The following NLRX1 variants were observed in gnomAD, a reference collection of about 807,000 sequenced individuals.
NLRX1 encodes NOD-like receptor X1.
NLRX1 carries 67 observed loss-of-function variants against 74.2 expected under a neutral mutation model. The ratio of observed to expected loss-of-function variants is 0.90; its 90% CI spans 0.74 to 1.11. The LOEUF is 1.11. Ranked by LOEUF, NLRX1 falls within the 50% of genes least tolerant of loss-of-function variation. The pLI, the probability that NLRX1 is intolerant of heterozygous loss-of-function variation, is 0.00. For missense variants in NLRX1, 1,191 were observed against 1,305.4 expected (o/e 0.91, Z 1.35); for synonymous variants, 506 against 559.1 (o/e 0.91, Z 1.34).
Position 119,172,939 on chromosome 11 carries a change from C to T in NLRX1, c.179C>T (p.Ala60Val). Residue 60 changes from alanine to valine, a missense_variant, in exon 4 of 10, where the codon GCT (alanine) becomes GTT (valine). Coordinates refer to ENST00000409109, the MANE Select transcript of NLRX1 (RefSeq NM_001282144.2). ...IRHHGSSVDS[A>V]PPPGRHGRLF... ...CACCACGGAAGCTCGGTAGATAGCG[C>T]TCCCCCACCCGGGAGGCATGGACGG... The T allele has an allele frequency of 1.2e-6, 2 of 1,614,010 alleles. No individual in the cohort carries two copies. Among genetic ancestry groups the T allele is most frequent in the African/African-American group, 1.3e-5 (1 of 75,006 alleles).
intron 2 of NLRX1, 100 bp downstream of exon 2, chr11:119,171,573 A>T: frequency 1.3e-6 from 1 of 796,650 alleles, no homozygotes; most frequent in Non-Finnish European, 2.1e-6. Context: ...CAGGTGCACT[A>T]GTCTCAGCTC....
chr11:119,174,736 G>C lies in NLRX1; in HGVS notation c.1133G>C (p.Cys378Ser), dbSNP rs138095596. 1 of 1,613,680 alleles carries C rather than the reference G, an allele frequency of 6.2e-7. No homozygotes were observed. The highest frequency in any genetic ancestry group is 8.5e-7 in the Non-Finnish European group (1 of 1,180,042). Residue 378 changes from cysteine to serine, a missense_variant, in exon 6 of 10, where the codon TGT becomes TCT. Cys to Ser is a moderately radical substitution (Grantham distance 112, BLOSUM62 -1). Transcript: ENST00000409109. ...CTGCCGTCCTATTGCTGGCTCGTTT[G>C]TGCCACCTTGCACTTCCTGCATGCC... ...CFLPSYCWLV[C>S]ATLHFLHAPT...
At position 119,183,736 on chromosome 11, in the gene NLRX1, C is replaced by A. The variant is rs1246238213; in HGVS notation, c.*297C>A. ...TGGATGGCCAGAGTGCCCTGAAGCA[C>A]CACTACCAACCTTGCCTCCCCCTCC... On this transcript the variant is annotated 3_prime_UTR_variant, in exon 10 of 10. Transcript: ENST00000409109. The surrounding 1 kb of genome is among the most constrained non-coding windows in gnomAD (Gnocchi z 5.7). 3.9e-6 allele frequency: 3 copies of A among 777,014 alleles called. No individual in the cohort carries two copies. The Admixed American group carries it at 5.1e-5, about 13-fold the overall frequency. The allele number at this position is 777,014 out of a possible 1,614,324, so 48.1% of individuals were successfully genotyped here.
intron 8 of NLRX1, among the ~76,000 whole-genome samples, chr11:119,181,828 G>A (rs147538246): frequency 6.6e-6 from 1 of 152,234 alleles, no homozygotes; most frequent in Non-Finnish European, 1.5e-5. Flanking sequence ...GAATAGATAA[G>A]AAGGGAGTCA....
At position 119,180,032 on chromosome 11, in the gene NLRX1, C is replaced by T. The variant is rs1456385811; in HGVS notation, c.2011C>T (p.Pro671Ser). Reference protein sequence around the residue: ...KLGKLGRQVLPPSELLDHLFF... With the variant: ...KLGKLGRQVLSPSELLDHLFF... Reference sequence around the variant, plus strand: ...GGGCAAGCTGGGCCGGCAGGTGCTGCCCCCATCAGAGCTCCTTGACCACCT... The same window carrying T: ...GGGCAAGCTGGGCCGGCAGGTGCTGTCCCCATCAGAGCTCCTTGACCACCT... Residue 671 changes from proline (P) to serine (S), a missense_variant, in exon 7 of 10, where the codon CCC becomes TCC. Pro to Ser is a moderately conservative substitution (Grantham distance 74). Transcript: ENST00000409109. 2 of 1,613,500 alleles carry T rather than the reference C, an allele frequency of 1.2e-6. No individual in the cohort carries two copies. The highest frequency in any genetic ancestry group is 1.3e-5 in the African/African-American group (1 of 74,954).
At position 119,172,901 on chromosome 11, in the gene NLRX1, G is replaced by C. The variant is rs1192020366; in HGVS notation, c.141G>C (p.Arg47Ser). The C allele has an allele frequency of 4.3e-6, 7 of 1,613,056 alleles. No individual in the cohort carries two copies. The highest frequency in any genetic ancestry group is 4.2e-6 in the Non-Finnish European group (5 of 1,179,284). The change falls in exon 4 of 10, where the codon AGG becomes AGC. Residue 47 changes from arginine (R) to serine (S), a missense_variant and splice_region_variant. Transcript: ENST00000409109. ...LQGERPFGPP[R>S]AFIRHHGSSV... ...GCTCATCCCCTCTCCTTGTTCCCAG[G>C]GCCTTTATACGCCACCACGGAAGCT...
rs199715920 is a variant in NLRX1 at position 119,182,157 on chromosome 11, C to T, written c.2418C>T (p.Asn806=). ...VAVLMEGLAG[N]TSVTHLSLLH... ...TGCTAATGGAGGGGCTGGCAGGAAACACCTCAGTGACGCACCTGTCCCTGC... is the reference window on the plus strand; with the variant it reads ...TGCTAATGGAGGGGCTGGCAGGAAATACCTCAGTGACGCACCTGTCCCTGC... Residue 806 remains asparagine (N), a synonymous_variant, in exon 9 of 10, where the codon AAC becomes AAT. Coordinates refer to ENST00000409109, the MANE Select transcript of NLRX1 (RefSeq NM_001282144.2). The T allele has an allele frequency of 1.9e-6, 3 of 1,614,144 alleles. No individual in the cohort carries two copies. The East Asian group carries it at 6.7e-5, about 36-fold the overall frequency.
intron 6 of NLRX1, 51 bp from the exon 7 acceptor site, chr11:119,179,642 C>CCGAACAGGCACA: frequency 1.3e-6 from 2 of 1,503,190 alleles, no homozygotes; most frequent in South Asian, 1.2e-5. Context: ...ACCTTGAAGG[C>CCGAACAGGCACA]TGAACAGGCA....
At position 119,182,103 on chromosome 11, in the gene NLRX1, C is replaced by T. The variant is rs141265912; in HGVS notation, c.2364C>T (p.Asn788=). 303 of 1,614,082 alleles carry T rather than the reference C, an allele frequency of 1.9e-4. 1 individual carries two copies. The African/African-American group carries it at 3.0e-3, about 16-fold the overall frequency. The change falls in exon 9 of 10, where the codon AAC becomes AAT. Residue 788 remains asparagine (N), a synonymous_variant. Coordinates refer to ENST00000409109, the MANE Select transcript of NLRX1 (RefSeq NM_001282144.2). ...QCQITTLRLS[N]NPLTAAGVAV... is the part of the protein sequence containing the mutation. The stretch of plus-strand genomic sequence containing the variant: ...TTGCACGTGGCTGTAGGCTGTCCAA[C>T]AACCCGCTGACGGCGGCAGGTGTTG...
chr11:119,179,511 A>G (rs972313866), intron 6 of NLRX1, among the ~76,000 whole-genome samples, 182 bp from the exon 7 acceptor site: 1 of 152,244 alleles, frequency 6.6e-6, no homozygotes, highest in African/African-American at 2.4e-5. Context: ...AGTTTGCCAC[A>G]TAGGCAGTAG....
rs748617858 is a variant in NLRX1, at chr11:119,174,803, C to T, written c.1200C>T (p.Ser400=). 6.2e-7 allele frequency: 1 copy of T among 1,613,984 alleles called. No homozygotes were observed. The highest frequency in any genetic ancestry group is 8.5e-7 in the Non-Finnish European group (1 of 1,180,050). The change falls in exon 6 of 10, where the codon AGC becomes AGT. Residue 400 remains serine (S), a synonymous_variant. Transcript: ENST00000409109. ...AGQTLTSIYT[S]FLRLNFSGET... Reference sequence around the variant, plus strand: ...AGACCCTTACAAGCATCTATACCAGCTTCCTGCGCCTCAACTTCAGCGGGG... The same window carrying T: ...AGACCCTTACAAGCATCTATACCAGTTTCCTGCGCCTCAACTTCAGCGGGG...
rs201914310 is a variant in NLRX1, at chr11:119,183,233, G to A, written c.2722G>A (p.Glu908Lys). 3 of 1,614,252 alleles carry A rather than the reference G, an allele frequency of 1.9e-6. No individual in the cohort carries two copies. Residue 908 changes from glutamate (E) to lysine (K), a missense_variant, in exon 10 of 10, where the codon GAA (glutamate) becomes AAA (lysine). Physicochemically the swap from Glu to Lys is moderately conservative, Grantham distance 56. Transcript: ENST00000409109. This position sits in a 1 kb window ranked among gnomAD's most constrained non-coding sequence, Gnocchi z 5.7. ...VSLTEGTAVS[E>K]YWSVILSEVQ... Reference sequence around the variant, plus strand: ...ACTGACAGAGGGGACGGCGGTGTCAGAATACTGGTCAGTGATCCTCAGTGA... The same window carrying A: ...ACTGACAGAGGGGACGGCGGTGTCAAAATACTGGTCAGTGATCCTCAGTGA...
rs777411708 is a variant in NLRX1, at chr11:119,174,639, C to T, written c.1036C>T (p.Gln346Ter). The change falls in exon 6 of 10, where the codon CAG (glutamine) becomes TAG (stop). Residue 346 changes from glutamine to a stop codon, truncating the protein, a stop_gained. Coordinates refer to ENST00000409109, the MANE Select transcript of NLRX1 (RefSeq NM_001282144.2). LOFTEE classifies it high-confidence loss of function. ...GGSGVSATPA[Q>*]RDHLVQMLSR... ...TTCAGGTGTCTCTGCCACACCAGCT[C>T]AGCGTGACCACCTGGTGCAGATGCT... 1.2e-6 allele frequency: 2 copies of T among 1,614,088 alleles called. No homozygotes were observed. Among genetic ancestry groups the T allele is most frequent in the South Asian group, 1.1e-5 (1 of 91,090 alleles).
In NLRX1 at chr11:119,173,188, G is replaced by C. The variant is rs758220422; in HGVS notation, c.229+199G>C. The C allele has an allele frequency of 1.6e-6, 1 of 615,944 alleles. No homozygotes were observed. The highest frequency in any genetic ancestry group is 2.9e-6 in the Non-Finnish European group (1 of 347,790). The allele number at this position is 615,944 out of a possible 1,614,324, so 38.2% of individuals were successfully genotyped here. ...CAATGCACACTTATATGTACAAAGCGCTAGGAGAGCCATACCATCCCTATG... is the reference window on the plus strand; with the variant it reads ...CAATGCACACTTATATGTACAAAGCCCTAGGAGAGCCATACCATCCCTATG... On this transcript the variant is annotated intron_variant, in intron 4 of 9. Coordinates refer to ENST00000409109, the MANE Select transcript of NLRX1 (RefSeq NM_001282144.2). The surrounding 1 kb of genome is among the most constrained non-coding windows in gnomAD (Gnocchi z 4.0).
Position 119,175,003 on chromosome 11 carries a change from A to G in NLRX1, c.1400A>G (p.His467Arg). The G allele has an allele frequency of 6.2e-7, 1 of 1,614,094 alleles. No individual in the cohort carries two copies. Residue 467 changes from histidine (H) to arginine (R), a missense_variant, in exon 6 of 10, where the codon CAC becomes CGC. Coordinates refer to ENST00000409109, the MANE Select transcript of NLRX1 (RefSeq NM_001282144.2). Reference sequence around the variant, plus strand: ...ACGGAGGAGGAGTTTCAGCTGCTGCACATCTTCCGTCGGGATGCCCTGAGG... The same window carrying G: ...ACGGAGGAGGAGTTTCAGCTGCTGCGCATCTTCCGTCGGGATGCCCTGAGG... ...IRTEEEFQLLHIFRRDALRFF... is the reference protein window; with the variant it reads ...IRTEEEFQLLRIFRRDALRFF...
chr11:119,180,297 C>A lies in NLRX1; in HGVS notation c.2267+9C>A. 6.4e-7 allele frequency: 1 copy of A among 1,556,576 alleles called. No individual in the cohort carries two copies. Among genetic ancestry groups the A allele is most frequent in the South Asian group, 1.2e-5 (1 of 84,414 alleles). On this transcript the variant is annotated intron_variant, in intron 7 of 9. Transcript: ENST00000409109. ...CGTGCCCGGAAGCTGGGGTGAGGAC[C>A]TATCCTCATGCACAGGCATGAAGAG...
At chr11:119,180,575 C>G (rs1565834271) in intron 7 of NLRX1, among the ~76,000 whole-genome samples, 1 of 152,100 alleles carries the variant, frequency 6.6e-6, no homozygotes, top group Non-Finnish European at 1.5e-5. Context: ...GTGGTGCATG[C>G]CTGTAATCCC....
rs747440361 is a variant in NLRX1 at position 119,182,197 on chromosome 11, G to A, written c.2458G>A (p.Gly820Arg). ...THLSLLHTGL[G>R]DEGLELLAAQ... ...CCTGTCCCTGCTGCACACGGGCCTT[G>A]GGGACGAAGGCCTGGAGCTGCTGGC... Residue 820 changes from glycine (G) to arginine (R), a missense_variant, in exon 9 of 10, where the codon GGG becomes AGG. Coordinates refer to ENST00000409109, the MANE Select transcript of NLRX1 (RefSeq NM_001282144.2). 9 of 1,614,082 alleles carry A rather than the reference G, an allele frequency of 5.6e-6. No homozygotes were observed. Among genetic ancestry groups the A allele is most frequent in the Non-Finnish European group, 7.6e-6 (9 of 1,180,024 alleles).
At position 119,183,170 on chromosome 11, in the gene NLRX1, G is replaced by A; in HGVS notation, c.2659G>A (p.Gly887Arg). ...SEGRQVLRDL[G>R]GAAEGGARVV... ...GGGCCGCCAGGTCTTGCGAGACTTG[G>A]GGGGTGCTGCTGAAGGTGGTGCCCG... Residue 887 changes from glycine (G) to arginine (R), a missense_variant, in exon 10 of 10, where the codon GGG becomes AGG. Coordinates refer to ENST00000409109, the MANE Select transcript of NLRX1 (RefSeq NM_001282144.2). This position sits in a 1 kb window ranked among gnomAD's most constrained non-coding sequence, Gnocchi z 5.7. The A allele has an allele frequency of 6.2e-7, 1 of 1,614,198 alleles. No homozygotes were observed. Among genetic ancestry groups the A allele is most frequent in the Non-Finnish European group, 8.5e-7 (1 of 1,180,034 alleles).
Sources: allele counts gnomAD v4.1 joint callset (sites outside exome capture counted in the v4.1 genomes callset), GRCh38; gene constraint gnomAD v4.1.1; non-coding constraint Gnocchi (gnomAD v3.1); transcripts MANE v1.5; gene names NCBI Gene and HGNC (gene_info 2026-07-23, HGNC 2026-07-21).